The following USPL1 variants were observed in gnomAD, a reference collection of about 807,000 sequenced individuals.
The protein encoded by USPL1 is SUMO-specific isopeptidase USPL1.
In USPL1, 27 loss-of-function variants were observed where a neutral mutation model predicts 51.5. That is an observed-to-expected ratio of 0.52 (90% CI 0.39 to 0.72). The LOEUF is 0.72. USPL1 is among the 30% of genes least tolerant of loss of function. USPL1 has a pLI of 0.00. For synonymous variants in USPL1, 451 were observed against 459.6 expected (o/e 0.98, Z 0.24); for missense variants, 1,226 against 1,268.0 (o/e 0.97, Z 0.50).
chr13:30,630,899 A>G lies in USPL1; in HGVS notation c.293A>G (p.His98Arg). 6.2e-7 allele frequency: 1 copy of G among 1,613,980 alleles called. No individual in the cohort carries two copies. Among genetic ancestry groups the G allele is most frequent in the Non-Finnish European group, 8.5e-7 (1 of 1,179,994 alleles). Residue 98 changes from histidine to arginine, a missense_variant, in exon 4 of 9, where the codon CAC (histidine) becomes CGC (arginine). Physicochemically the swap from His to Arg is conservative, Grantham distance 29. Coordinates refer to ENST00000255304, the MANE Select transcript of USPL1 (RefSeq NM_005800.5). ...ATTTCTCCTGATTTGGAAGAATGTC[A>G]CACTCCACATAAGCCTCAGAAAAGG... is the stretch of plus-strand genomic sequence containing the variant. The part of the protein sequence containing the change: ...NLISPDLEEC[H>R]TPHKPQKRKS...
In USPL1 at chr13:30,658,410, A is replaced by G. The variant is rs561171057; in HGVS notation, c.2333A>G (p.His778Arg). The stretch of plus-strand genomic sequence containing the variant: ...TTTATGCCACTCTGTGTTTCAGCTC[A>G]TAATAGAAACACTATAACTGATTTA... ...ASFMPLCVSA[H>R]NRNTITDLQP... The change falls in exon 9 of 9, where the codon CAT (histidine) becomes CGT (arginine). Residue 778 changes from histidine (H) to arginine (R), a missense_variant. Transcript: ENST00000255304. The G allele has an allele frequency of 1.1e-5, 18 of 1,613,730 alleles. No individual in the cohort carries two copies. The Admixed American group carries it at 2.3e-4, about 21-fold the overall frequency.
At position 30,621,834 on chromosome 13, in the gene USPL1, C is replaced by G; in HGVS notation, c.170C>G (p.Ala57Gly). 1 of 1,583,932 alleles carries G rather than the reference C, an allele frequency of 6.3e-7. No homozygotes were observed. ...TGTAGAGAGAAGGGAAAGTTAAAAGCCTTAAAGACTTACCGAATTAGTTTT... is the reference window on the plus strand; with the variant it reads ...TGTAGAGAGAAGGGAAAGTTAAAAGGCTTAAAGACTTACCGAATTAGTTTT... Reference protein sequence around the residue: ...PACREKGKLKALKTYRISFQE... With the variant: ...PACREKGKLKGLKTYRISFQE... The change falls in exon 3 of 9, where the codon GCC (alanine) becomes GGC (glycine). Residue 57 changes from alanine to glycine, a missense_variant. Ala to Gly is a moderately conservative substitution (Grantham distance 60, BLOSUM62 0). Transcript: ENST00000255304.
rs1032717921 is a variant in USPL1, at chr13:30,658,177, T to G, written c.2100T>G (p.Ala700=). Residue 700 remains alanine, a synonymous_variant, in exon 9 of 9, where the codon GCT becomes GCG. Transcript: ENST00000255304. ...GVKSVEIEKD[A]QLKQFLTPKT... Reference sequence around the variant, plus strand: ...AGTCAGTAGAAATTGAGAAGGACGCTCAGTTAAAACAATTCCTTACACCAA... The same window carrying G: ...AGTCAGTAGAAATTGAGAAGGACGCGCAGTTAAAACAATTCCTTACACCAA... The G allele has an allele frequency of 2.5e-6, 4 of 1,613,294 alleles. No homozygotes were observed. Among genetic ancestry groups the G allele is most frequent in the Middle Eastern group, 3.3e-4 (2 of 6,062 alleles).
At chr13:30,640,323 T>G (rs1950929985) in intron 5 of USPL1, among the ~76,000 whole-genome samples, 1 of 152,244 alleles carries the variant, frequency 6.6e-6, no homozygotes, top group Admixed American at 6.5e-5. Context: ...ACATACTGTT[T>G]ATGCATACAG....
intron 3 of USPL1, 32 bp downstream of exon 3, chr13:30,621,924 G>A: frequency 1.5e-6 from 2 of 1,341,482 alleles, no homozygotes; most frequent in Non-Finnish European, 1.9e-6. Flanking sequence ...GTATATATAA[G>A]ATTTTTCTTT....
rs777012699 is a variant in USPL1, at chr13:30,658,466, G to T, written c.2389G>T (p.Gly797Cys). The T allele has an allele frequency of 2.2e-5, 35 of 1,613,580 alleles. 1 individual carries two copies. The highest frequency in any genetic ancestry group is 1.0e-4 in the Admixed American group (6 of 59,994). Reference sequence around the variant, plus strand: ...TTCAGTTAAAGGGGTAAATAATTTTGGTGGCTTTAAAACTAAAGGTATAAA... The same window carrying T: ...TTCAGTTAAAGGGGTAAATAATTTTTGTGGCTTTAAAACTAAAGGTATAAA... ...QPSVKGVNNFGGFKTKGINQK... is the reference protein window; with the variant it reads ...QPSVKGVNNFCGFKTKGINQK... The change falls in exon 9 of 9, where the codon GGT (glycine) becomes TGT (cysteine). Residue 797 changes from glycine (G) to cysteine (C), a missense_variant. Coordinates refer to ENST00000255304, the MANE Select transcript of USPL1 (RefSeq NM_005800.5).
chr13:30,631,093 A>G lies in USPL1; in HGVS notation c.487A>G (p.Ile163Val), dbSNP rs568229280. 5.0e-6 allele frequency: 8 copies of G among 1,614,086 alleles called. No homozygotes were observed. In the East Asian group the frequency reaches 6.7e-5, roughly 13 times the overall value. Residue 163 changes from isoleucine to valine, a missense_variant, in exon 4 of 9, where the codon ATT becomes GTT. Transcript: ENST00000255304. ...TGATAGTAGTGGTCAACAGAATCCA[A>G]TTAGGACAGCTGATTCCTTGGAGCG... is the stretch of plus-strand genomic sequence containing the variant. ...LPDSSGQQNP[I>V]RTADSLERNE...
chr13:30,621,710 T>C, intron 2 of USPL1, 54 bp from the exon 3 acceptor site: 2 of 1,296,378 alleles, frequency 1.5e-6, no homozygotes, highest in Non-Finnish European at 2.0e-6. Flanking sequence ...ACTTTTAATA[T>C]TTTGATATAT....
chr13:30,625,197 A>G (rs1205034961), intron 3 of USPL1, among the ~76,000 whole-genome samples: 1 of 152,192 alleles, frequency 6.6e-6, no homozygotes, highest in Non-Finnish European at 1.5e-5. Context: ...GGTAAAGCCA[A>G]CAGGATTTGC....
In USPL1 at chr13:30,621,881, G is replaced by A; in HGVS notation, c.217G>A (p.Glu73Lys). 1 of 1,550,822 alleles carries A rather than the reference G, an allele frequency of 6.4e-7. No homozygotes were observed. Among genetic ancestry groups the A allele is most frequent in the Non-Finnish European group, 8.7e-7 (1 of 1,152,308 alleles). Residue 73 changes from glutamate (E) to lysine (K), a missense_variant, in exon 3 of 9, where the codon GAG becomes AAG. By Grantham distance (56) the Glu-to-Lys change is moderately conservative. Transcript: ENST00000255304. ...TTTTCAAGAATCTATCTTTTTGTGT[G>A]AGGATCTGCAGGTAAAGTATTAATC... ...ISFQESIFLC[E>K]DLQCIYPLGS...
chr13:30,625,290 C>T (rs1439860961), intron 3 of USPL1, among the ~76,000 whole-genome samples: 6 of 151,936 alleles, frequency 3.9e-5, no homozygotes, highest in Non-Finnish European at 8.8e-5. Flanking sequence ...AGAATGGAAT[C>T]GTGAATTACT....
At chr13:30,647,430 C>T (rs1271770905) in intron 7 of USPL1, among the ~76,000 whole-genome samples, 1 of 152,134 alleles carries the variant, frequency 6.6e-6, no homozygotes, top group African/African-American at 2.4e-5. Context: ...AGATAAGCCA[C>T]AGGCTCATCT....
chr13:30,619,246 C>T (rs1393865643), intron 1 of USPL1, among the ~76,000 whole-genome samples: 1 of 152,128 alleles, frequency 6.6e-6, no homozygotes, highest in Non-Finnish European at 1.5e-5. Flanking sequence ...CTGGGGAGCC[C>T]ACCTCTGGTA....
Position 30,658,443 on chromosome 13 carries a change from C to T in USPL1, c.2366C>T (p.Ser789Leu). The change falls in exon 9 of 9, where the codon TCA becomes TTA. Residue 789 changes from serine (S) to leucine (L), a missense_variant. Physicochemically the swap from Ser to Leu is moderately radical, Grantham distance 145. Coordinates refer to ENST00000255304, the MANE Select transcript of USPL1 (RefSeq NM_005800.5). ...NRNTITDLQPSVKGVNNFGGF... is the reference protein window; with the variant it reads ...NRNTITDLQPLVKGVNNFGGF... ...AACACTATAACTGATTTACAACCTTCAGTTAAAGGGGTAAATAATTTTGGT... is the reference window on the plus strand; with the variant it reads ...AACACTATAACTGATTTACAACCTTTAGTTAAAGGGGTAAATAATTTTGGT... 5 of 1,613,750 alleles carry T rather than the reference C, an allele frequency of 3.1e-6. No homozygotes were observed. The South Asian group carries it at 5.5e-5, about 18-fold the overall frequency.
chr13:30,627,452 G>A (rs1049433577), intron 3 of USPL1, among the ~76,000 whole-genome samples: 2 of 151,942 alleles, frequency 1.3e-5, no homozygotes, highest in African/African-American at 4.8e-5. Context: ...GAAGACACTT[G>A]CGAAGAGTGT....
At chr13:30,629,106 T>C (rs924387281) in intron 3 of USPL1, among the ~76,000 whole-genome samples, 1 of 152,198 alleles carries the variant, frequency 6.6e-6, no homozygotes, top group African/African-American at 2.4e-5. Context: ...TGCAGTATTA[T>C]GAGTGTAATG....
rs760948473 is a variant in USPL1 at position 30,642,734 on chromosome 13, G to A, written c.1089G>A (p.Gln363=). 20 of 1,613,404 alleles carry A rather than the reference G, an allele frequency of 1.2e-5. No homozygotes were observed. Among genetic ancestry groups the A allele is most frequent in the South Asian group, 5.5e-5 (5 of 91,030 alleles). ...YSFSWDFECS[Q]CGHQYQNRHM... ...TTTCTTGGGACTTTGAATGTTCGCA[G>A]TGTGGACACCAATATCAAAACAGGT... The change falls in exon 6 of 9, where the codon CAG becomes CAA. Residue 363 remains glutamine (Q), a synonymous_variant. Coordinates refer to ENST00000255304, the MANE Select transcript of USPL1 (RefSeq NM_005800.5).
chr13:30,627,397 G>T (rs1260063602), intron 3 of USPL1, among the ~76,000 whole-genome samples: 3 of 152,146 alleles, frequency 2.0e-5, no homozygotes, highest in African/African-American at 7.2e-5. Context: ...TTATATTACA[G>T]ATTGGCCTAT....
intron 4 of USPL1, among the ~76,000 whole-genome samples, chr13:30,635,718 T>C (rs550953619): frequency 3.2e-4 from 48 of 152,340 alleles, no homozygotes; most frequent in African/African-American, 1.1e-3. Context: ...ATTTTGAGTT[T>C]GGTCATACAG....
Sources: allele counts gnomAD v4.1 joint callset (sites outside exome capture counted in the v4.1 genomes callset), GRCh38; gene constraint gnomAD v4.1.1; transcripts MANE v1.5; gene names NCBI Gene and HGNC (gene_info 2026-07-23, HGNC 2026-07-21).